Variants in COL14A1 observed in about 807,000 individuals in gnomAD.
The protein encoded by COL14A1 is collagen alpha-1(XIV) chain.
A neutral mutation model predicts 230.3 loss-of-function variants in COL14A1; 136 were observed. That is an observed-to-expected ratio of 0.59 (90% confidence interval 0.51 to 0.68). COL14A1 has a LOEUF of 0.68. COL14A1 is among the 30% of genes least tolerant of loss of function. COL14A1 has a pLI of 0.00. For missense variants in COL14A1, 1,976 were observed against 2,215.8 expected (o/e 0.89, Z 2.17); for synonymous variants, 792 against 784.1 (o/e 1.01, Z -0.17).
chr8:120,299,226 C>G (rs1316567805), intron 35 of COL14A1, among the ~76,000 whole-genome samples: 2 of 151,912 alleles, frequency 1.3e-5, no homozygotes, highest in Admixed American at 1.3e-4. Flanking sequence ...TAAGACTTAC[C>G]GTATCAAAAA....
At chr8:120,332,555 G>C (rs1821908107) in intron 41 of COL14A1, 109 bp from the exon 42 acceptor site, 2 of 887,162 alleles carry the variant, frequency 2.3e-6, no homozygotes, top group Non-Finnish European at 3.5e-6. Context: ...GTGATGAGGG[G>C]GAGGGAAGCT....
chr8:120,290,382 A>G (rs1028222685), intron 34 of COL14A1, among the ~76,000 whole-genome samples: 9 of 128,014 alleles, frequency 7.0e-5, no homozygotes, highest in African/African-American at 2.7e-4. Flanking sequence ...TCACATTCCC[A>G]TCACTCATTA....
rs780009646 is a variant in COL14A1, at chr8:120,196,954, T to C, written c.592+8T>C. The stretch of plus-strand genomic sequence containing the variant: ...CAGAGAAGACACGAATTGGTATAAT[T>C]TCTATTATTAGCAGTAGCAGTCAGT... On this transcript the variant is annotated splice_region_variant and intron_variant, in intron 6 of 47. Coordinates refer to ENST00000297848, the MANE Select transcript of COL14A1 (RefSeq NM_021110.4). 6.2e-7 allele frequency: 1 copy of C among 1,613,250 alleles called. No individual in the cohort carries two copies. Among genetic ancestry groups the C allele is most frequent in the Non-Finnish European group, 8.5e-7 (1 of 1,179,638 alleles).
chr8:120,317,596 A>G (rs1450128530), intron 40 of COL14A1, among the ~76,000 whole-genome samples: 1 of 152,230 alleles, frequency 6.6e-6, no homozygotes, highest in Non-Finnish European at 1.5e-5. Context: ...TGATTCCTGA[A>G]GTTCTGAAAA....
In COL14A1 at chr8:120,216,442, T is replaced by C. The variant is rs141731789; in HGVS notation, c.1689T>C (p.Asn563=). 1.9e-6 allele frequency: 3 copies of C among 1,613,644 alleles called. No individual in the cohort carries two copies. The African/African-American group carries it at 4.0e-5, about 22-fold the overall frequency. Residue 563 remains asparagine, a synonymous_variant, in exon 14 of 48, where the codon AAT becomes AAC. Transcript: ENST00000297848. The part of the protein sequence containing the change: ...LTWDPTSRQI[N]GYRIVYNNAD... ...GGGACCCAACTTCAAGACAGATCAATGGTTATCGAATTGTATATAACAATG... is the reference window on the plus strand; with the variant it reads ...GGGACCCAACTTCAAGACAGATCAACGGTTATCGAATTGTATATAACAATG...
chr8:120,267,042 T>C (rs1819521502), intron 25 of COL14A1, 159 bp downstream of exon 25: 1 of 614,894 alleles, frequency 1.6e-6, no homozygotes, highest in Non-Finnish European at 2.8e-6. Context: ...TGGGCTTGAA[T>C]GATATCCATT....
At chr8:120,224,632 G>C (rs1194295766) in intron 14 of COL14A1, among the ~76,000 whole-genome samples, 3 of 152,136 alleles carry the variant, frequency 2.0e-5, no homozygotes, top group Non-Finnish European at 4.4e-5. Flanking sequence ...GAAGATAGAG[G>C]AATGTTTCAA....
chr8:120,167,331 C>G (rs1815934028), intron 4 of COL14A1, among the ~76,000 whole-genome samples: 1 of 140,792 alleles, frequency 7.1e-6, no homozygotes, highest in South Asian at 2.2e-4. Flanking sequence ...CCCTTTAATA[C>G]ATTTGCTGAT....
At chr8:120,127,224 A>G (rs1461173283) in intron 1 of COL14A1, among the ~76,000 whole-genome samples, 2 of 152,200 alleles carry the variant, frequency 1.3e-5, no homozygotes, top group African/African-American at 4.8e-5. Flanking sequence ...TTCATCCATG[A>G]TGTACAGGCT....
At chr8:120,154,967 A>G (rs959595227) in intron 2 of COL14A1, among the ~76,000 whole-genome samples, 1 of 152,186 alleles carries the variant, frequency 6.6e-6, no homozygotes, top group African/African-American at 2.4e-5. Context: ...GAAAGGGGGA[A>G]AAAACCTAAC....
rs1823564558 is a variant in COL14A1, at chr8:120,370,905, CAT to C, written c.5312-245_5312-244del. ...TTCAGGGTTTCTTCTGTAAATAAAACATAATATTTAAATGGTTGGTTATGATT... is the reference window on the plus strand; with the variant it reads ...TTCAGGGTTTCTTCTGTAAATAAAACAATATTTAAATGGTTGGTTATGATT... On this transcript the variant is annotated intron_variant, in intron 47 of 47. Coordinates refer to ENST00000297848, the MANE Select transcript of COL14A1 (RefSeq NM_021110.4). 3 of 1,204,566 alleles carry C rather than the reference CAT, an allele frequency of 2.5e-6. No individual in the cohort carries two copies. In the South Asian group the frequency reaches 4.7e-5, roughly 19 times the overall value. 74.6% of individuals were successfully genotyped at this position (1,204,566 alleles called of 1,614,324 possible). A position where few individuals can be genotyped will look rare whatever the true frequency, so the allele number is the denominator to read the frequency against.
chr8:120,274,945 T>C (rs1011992801), intron 26 of COL14A1, among the ~76,000 whole-genome samples: 1 of 151,436 alleles, frequency 6.6e-6, no homozygotes, highest in African/African-American at 2.4e-5. Context: ...TTCAATGCAA[T>C]TCCTATACAA....
chr8:120,239,790 TC>T (rs1380300507), intron 19 of COL14A1, among the ~76,000 whole-genome samples: 1 of 151,928 alleles, frequency 6.6e-6, no homozygotes, highest in East Asian at 1.9e-4. Context: ...CGTGGAAACT[TC>T]CCAAGGTGAG....
Position 120,212,560 on chromosome 8 carries a change from C to T in COL14A1, c.1580C>T (p.Thr527Met), listed in dbSNP as rs748226555. The T allele has an allele frequency of 1.2e-5, 19 of 1,613,248 alleles. No individual in the cohort carries two copies. Among genetic ancestry groups the T allele is most frequent in the East Asian group, 2.2e-5 (1 of 44,846 alleles). ...GGAGAAGAGGCCAGTGATCCTGTTACGGGACAAGAAACAACATGTGAGCAG... is the reference window on the plus strand; with the variant it reads ...GGAGAAGAGGCCAGTGATCCTGTTATGGGACAAGAAACAACATGTGAGCAG... ...MFGEEASDPV[T>M]GQETTLALSP... The change falls in exon 13 of 48, where the codon ACG (threonine) becomes ATG (methionine). Residue 527 changes from threonine to methionine, a missense_variant. Coordinates refer to ENST00000297848, the MANE Select transcript of COL14A1 (RefSeq NM_021110.4).
rs987533075 is a variant in COL14A1 at position 120,128,240 on chromosome 8, T to C, written c.-38+2900T>C. On this transcript the variant is annotated intron_variant, in intron 1 of 47. Coordinates refer to ENST00000297848, the MANE Select transcript of COL14A1 (RefSeq NM_021110.4). ...GTGTGTGCGCGCGCGTGTGTGTGTG[T>C]GTGTGTGTGTGTGTGTGTGTGTTGG... 8.2e-4 allele frequency among the ~76,000 whole-genome samples: 123 copies of C among 149,220 alleles called. 1 individual carries two copies. Among genetic ancestry groups the C allele is most frequent in the African/African-American group, 2.0e-3 (78 of 39,024 alleles).
At chr8:120,273,149 G>C (rs1383090063) in intron 26 of COL14A1, among the ~76,000 whole-genome samples, 3 of 151,580 alleles carry the variant, frequency 2.0e-5, no homozygotes, top group Non-Finnish European at 4.4e-5. Flanking sequence ...ATCCTCAAAA[G>C]TATACAAATA....
At chr8:120,133,878 A>G (rs1814625534) in intron 1 of COL14A1, among the ~76,000 whole-genome samples, 1 of 152,106 alleles carries the variant, frequency 6.6e-6, no homozygotes, top group Non-Finnish European at 1.5e-5. Context: ...CAATTTTACA[A>G]ACTTTAAGAC....
chr8:120,142,181 A>G (rs1000100456), intron 1 of COL14A1, among the ~76,000 whole-genome samples: 2 of 152,134 alleles, frequency 1.3e-5, no homozygotes, highest in African/African-American at 4.8e-5. Flanking sequence ...AGGAAATCTT[A>G]GAATATTTCA....
At chr8:120,326,675 T>A (rs1165783377) in intron 40 of COL14A1, among the ~76,000 whole-genome samples, 1 of 152,160 alleles carries the variant, frequency 6.6e-6, no homozygotes, top group East Asian at 1.9e-4. Context: ...CAATTTATAA[T>A]AAGAAAATTT....
Sources: gnomAD v4.1 joint callset for allele counts (sites outside exome capture counted in the v4.1 genomes callset) on GRCh38, gnomAD v4.1.1 for gene constraint, MANE v1.5 for transcripts, NCBI Gene and HGNC (gene_info 2026-07-23, HGNC 2026-07-21) for gene names.